Variants in CFL2 observed in about 807,000 individuals in gnomAD.
CFL2 encodes the protein cofilin-2.
CFL2 carries 10 observed loss-of-function variants against 19.6 expected under a neutral mutation model. That is an observed-to-expected ratio of 0.51 (90% CI 0.31 to 0.86). The LOEUF (loss-of-function observed/expected upper bound fraction) is 0.86, where lower values mean the gene tolerates loss of function less well. Among genes scored for constraint, CFL2 ranks in the 40% least tolerant of loss-of-function variants. The pLI is 0.04. For synonymous variants in CFL2, 63 were observed against 66.7 expected (o/e 0.95, Z 0.27); for missense variants, 125 against 192.1 (o/e 0.65, Z 2.06).
At position 34,713,643 on chromosome 14, in the gene CFL2, T is replaced by G. The variant is rs1184902204; in HGVS notation, c.4-82A>C. On this transcript the variant is annotated intron_variant, in intron 1 of 3. Transcript: ENST00000298159. ...TACTGTTTGCCTAGAGAAGACTCACTTTAGTCTGGACATCAAAAATTGCAC... is the reference window on the plus strand; with the variant it reads ...TACTGTTTGCCTAGAGAAGACTCACGTTAGTCTGGACATCAAAAATTGCAC... 22 of 1,613,726 alleles carry G rather than the reference T, an allele frequency of 1.4e-5. No homozygotes were observed. The Admixed American group carries it at 3.7e-4, about 27-fold the overall frequency.
At position 34,712,674 on chromosome 14, in the gene CFL2, C is replaced by T. The variant is rs1885344091; in HGVS notation, c.*191G>A. ...TTCCTTGGGTTCTATATAAAAGTAACAGTATTCAACAGTCTAATGGCAATC... is the reference window on the plus strand; with the variant it reads ...TTCCTTGGGTTCTATATAAAAGTAATAGTATTCAACAGTCTAATGGCAATC... On this transcript the variant is annotated 3_prime_UTR_variant, in exon 4 of 4. Transcript: ENST00000298159. 1 of 684,362 alleles carries T rather than the reference C, an allele frequency of 1.5e-6. No individual in the cohort carries two copies. The highest frequency in any genetic ancestry group is 2.7e-6 in the Non-Finnish European group (1 of 373,884). The allele number at this position is 684,362 out of a possible 1,614,324, so 42.4% of individuals were successfully genotyped here. A position where few individuals can be genotyped will look rare whatever the true frequency, so the allele number is the denominator to read the frequency against.
At chr14:34,713,841 G>C (rs956828808) in intron 1 of CFL2, 6 of 1,544,058 alleles carry the variant, frequency 3.9e-6, no homozygotes, top group Middle Eastern at 2.3e-4. Context: ...TATTTCACTG[G>C]GTGATGTCAG....
In CFL2 at chr14:34,712,894, C is replaced by T. The variant is rs1594784274; in HGVS notation, c.472G>A (p.Val158Ile). 1 of 1,600,200 alleles carries T rather than the reference C, an allele frequency of 6.2e-7. No homozygotes were observed. The highest frequency in any genetic ancestry group is 8.6e-7 in the Non-Finnish European group (1 of 1,167,298). Reference protein sequence around the residue: ...TLGEKLGGNVVVSLEGKPL With the variant: ...TLGEKLGGNVIVSLEGKPL ...AATGGTTTTCCTTCAAGTGAAACTA[C>T]TACATTGCCTCCCAATTTCTCTCCA... The change falls in exon 4 of 4, where the codon GTA (valine) becomes ATA (isoleucine). Residue 158 changes from valine (V) to isoleucine (I), a missense_variant. Transcript: ENST00000298159.
Position 34,710,678 on chromosome 14 carries a change from G to T in CFL2, c.*2187C>A. The T allele has an allele frequency of 2.2e-6, 1 of 450,700 alleles. No individual in the cohort carries two copies. Among genetic ancestry groups the T allele is most frequent in the Non-Finnish European group, 4.4e-6 (1 of 225,732 alleles). The allele number at this position is 450,700 out of a possible 1,614,324, so 27.9% of individuals were successfully genotyped here. ...TTTTTTTGGCTCTACGCACAAAGAT[G>T]TATTTCAAAGATGAACTTAATTATA... On this transcript the variant is annotated 3_prime_UTR_variant, in exon 4 of 4. Transcript: ENST00000298159.
chr14:34,712,749 A>T lies in CFL2; in HGVS notation c.*116T>A. 1 of 738,046 alleles carries T rather than the reference A, an allele frequency of 1.4e-6. No homozygotes were observed. The highest frequency in any genetic ancestry group is 2.5e-6 in the Non-Finnish European group (1 of 396,840). The allele number at this position is 738,046 out of a possible 1,614,324, so 45.7% of individuals were successfully genotyped here. ...ATATTTCCTTCATTCATTGTGTTGG[A>T]AGGGCCCAGTGGAAAGGGGGAAATA... On this transcript the variant is annotated 3_prime_UTR_variant, in exon 4 of 4. Coordinates refer to ENST00000298159, the MANE Select transcript of CFL2 (RefSeq NM_138638.5).
rs2138469497 is a variant in CFL2, at chr14:34,711,547, AG to A, written c.*1317del. Reference sequence around the variant, plus strand: ...GGTGAAATGACTGTTCCGAAACATCAGAAGTATCATTAAACTTTTAAAGGAC... The same window carrying A: ...GGTGAAATGACTGTTCCGAAACATCAAAGTATCATTAAACTTTTAAAGGAC... On this transcript the variant is annotated 3_prime_UTR_variant, in exon 4 of 4. Coordinates refer to ENST00000298159, the MANE Select transcript of CFL2 (RefSeq NM_138638.5). 1 of 454,532 alleles carries A rather than the reference AG, an allele frequency of 2.2e-6. No homozygotes were observed. The highest frequency in any genetic ancestry group is 4.4e-6 in the Non-Finnish European group (1 of 226,786). 28.2% of individuals were successfully genotyped at this position (454,532 alleles called of 1,614,324 possible).
chr14:34,714,382 A>C, intron 1 of CFL2, 156 bp downstream of exon 1: 1 of 1,224,176 alleles, frequency 8.2e-7, no homozygotes. Flanking sequence ...TGACGGCCGG[A>C]GGGCAGGCCG....
At chr14:34,713,639 T>G (rs1442539585) in intron 1 of CFL2, 78 bp from the exon 2 acceptor site, 1 of 1,613,864 alleles carries the variant, frequency 6.2e-7, no homozygotes, top group Non-Finnish European at 8.5e-7. Context: ...TAGAGAAGAC[T>G]CACTTTAGTC....
Position 34,710,857 on chromosome 14 carries a change from A to G in CFL2, c.*2008T>C, listed in dbSNP as rs186953664. The G allele has an allele frequency of 2.2e-6, 1 of 454,046 alleles. No homozygotes were observed. The highest frequency in any genetic ancestry group is 6.9e-5 in the East Asian group (1 of 14,402). The allele number at this position is 454,046 out of a possible 1,614,324, so 28.1% of individuals were successfully genotyped here. A position where few individuals can be genotyped will look rare whatever the true frequency, so the allele number is the denominator to read the frequency against. On this transcript the variant is annotated 3_prime_UTR_variant, in exon 4 of 4. Transcript: ENST00000298159. ...CTGATTTATAGTCCCTTATTTTTTA[A>G]AAGAATGAGGAAATAACTCAATGAA...
chr14:34,712,922 T>G lies in CFL2; in HGVS notation c.444A>C (p.Thr148=), dbSNP rs1885358393. Reference sequence around the variant, plus strand: ...CATTGCCTCCCAATTTCTCTCCAAGTGTCGAACGGTCCTTAATATCATCCA... The same window carrying G: ...CATTGCCTCCCAATTTCTCTCCAAGGGTCGAACGGTCCTTAATATCATCCA... ...NGLDDIKDRS[T]LGEKLGGNVV... The change falls in exon 4 of 4, where the codon ACA becomes ACC. Residue 148 remains threonine, a synonymous_variant. Transcript: ENST00000298159. 5 of 1,612,162 alleles carry G rather than the reference T, an allele frequency of 3.1e-6. No homozygotes were observed. The highest frequency in any genetic ancestry group is 1.7e-4 in the Middle Eastern group (1 of 6,056).
At chr14:34,713,026 A>G in intron 3 of CFL2, 34 bp downstream of exon 3, 2 of 1,552,642 alleles carry the variant, frequency 1.3e-6, no homozygotes, top group East Asian at 2.4e-5. Context: ...TTAATAAAGA[A>G]TAATTTCTCT....
At chr14:34,714,128 A>C (rs896337664) in intron 1 of CFL2, 1 of 375,406 alleles carries the variant, frequency 2.7e-6, no homozygotes. Flanking sequence ...CCTCTTCCTT[A>C]ATCTCCCCGT....
rs764862668 is a variant in CFL2, at chr14:34,712,619, T to C, written c.*246A>G. The C allele has an allele frequency of 9.3e-5, 58 of 626,112 alleles. No individual in the cohort carries two copies. Among genetic ancestry groups the C allele is most frequent in the Non-Finnish European group, 1.6e-4 (53 of 338,840 alleles). The allele number at this position is 626,112 out of a possible 1,614,324, so 38.8% of individuals were successfully genotyped here. A position where few individuals can be genotyped will look rare whatever the true frequency, so the allele number is the denominator to read the frequency against. On this transcript the variant is annotated 3_prime_UTR_variant, in exon 4 of 4. Transcript: ENST00000298159. ...TGCTGCAAGGGAGGCATATAACCAG[T>C]TGTTTTGGCTAAAATATGACAGGAA...
rs753321299 is a variant in CFL2 at position 34,713,514 on chromosome 14, A to G, written c.51T>C (p.Asp17=). ...VNDEVIKVFN[D]MKVRKSSTQE... ...GTGTAGAAGATTTCCTTACTTTCAT[A>G]TCATTAAAAACTTTGATGACTTCAT... is the stretch of plus-strand genomic sequence containing the variant. The change falls in exon 2 of 4, where the codon GAT becomes GAC. Residue 17 remains aspartate (D), a synonymous_variant. Transcript: ENST00000298159. The G allele has an allele frequency of 1.2e-6, 2 of 1,613,984 alleles. No homozygotes were observed. Among genetic ancestry groups the G allele is most frequent in the East Asian group, 2.2e-5 (1 of 44,876 alleles).
At position 34,710,835 on chromosome 14, in the gene CFL2, A is replaced by G. The variant is rs769661684; in HGVS notation, c.*2030T>C. 2.0e-5 allele frequency: 9 copies of G among 453,886 alleles called. No individual in the cohort carries two copies. In the East Asian group the frequency reaches 6.2e-4, roughly 31 times the overall value. 28.1% of individuals were successfully genotyped at this position (453,886 alleles called of 1,614,324 possible). On this transcript the variant is annotated 3_prime_UTR_variant, in exon 4 of 4. Coordinates refer to ENST00000298159, the MANE Select transcript of CFL2 (RefSeq NM_138638.5). ...AAAAACAAAAGATACTACATAACTGATTTATAGTCCCTTATTTTTTAAAAG... is the reference window on the plus strand; with the variant it reads ...AAAAACAAAAGATACTACATAACTGGTTTATAGTCCCTTATTTTTTAAAAG...
At chr14:34,714,064 A>G in intron 1 of CFL2, 1 of 401,354 alleles carries the variant, frequency 2.5e-6, no homozygotes, top group South Asian at 3.1e-5. Flanking sequence ...TCCAAAACTA[A>G]CTGATCGAGT....
At position 34,712,407 on chromosome 14, in the gene CFL2, C is replaced by G; in HGVS notation, c.*458G>C. On this transcript the variant is annotated 3_prime_UTR_variant, in exon 4 of 4. Transcript: ENST00000298159. ...CGTGCTGCCATATCACTAAAATAGGCTTGCCAAGGCAGGTGAGGTGTATGA... is the reference window on the plus strand; with the variant it reads ...CGTGCTGCCATATCACTAAAATAGGGTTGCCAAGGCAGGTGAGGTGTATGA... 1 of 454,988 alleles carries G rather than the reference C, an allele frequency of 2.2e-6. No individual in the cohort carries two copies. The highest frequency in any genetic ancestry group is 4.4e-6 in the Non-Finnish European group (1 of 227,122). The allele number at this position is 454,988 out of a possible 1,614,324, so 28.2% of individuals were successfully genotyped here.
chr14:34,713,449 CAGAAG>C lies in CFL2; in HGVS notation c.111_115del (p.Cys39LysfsTer3). On this transcript the variant is annotated frameshift_variant, in exon 2 of 4. Coordinates refer to ENST00000298159, the MANE Select transcript of CFL2 (RefSeq NM_138638.5). LOFTEE classifies it high-confidence loss of function. ...TATTTGTCTTTTGTCATCGCTTAAA[CAGAAG>C]AGAACTGCTTTCTTTCTCTTTTTGA... The C allele has an allele frequency of 1.2e-6, 2 of 1,614,024 alleles. No individual in the cohort carries two copies. The highest frequency in any genetic ancestry group is 1.7e-6 in the Non-Finnish European group (2 of 1,179,912).
chr14:34,713,093 T>A lies in CFL2; in HGVS notation c.355A>T (p.Ser119Cys), dbSNP rs1353965924. 1.4e-5 allele frequency: 22 copies of A among 1,585,738 alleles called. 1 individual carries two copies. The Admixed American group carries it at 3.9e-4, about 28-fold the overall frequency. ...TTCTTTTTAATGGCATCTTTAGAGC[T>A]AGCATAAATCATCTTGCTTTTTAAA... ...APLKSKMIYA[S>C]SKDAIKKKFT... Residue 119 changes from serine to cysteine, a missense_variant, in exon 3 of 4, where the codon AGC (serine) becomes TGC (cysteine). By Grantham distance (112) the Ser-to-Cys change is moderately radical. Coordinates refer to ENST00000298159, the MANE Select transcript of CFL2 (RefSeq NM_138638.5).
Sources: allele counts gnomAD v4.1 joint callset, GRCh38; gene constraint gnomAD v4.1.1; transcripts MANE v1.5; gene names NCBI Gene and HGNC (gene_info 2026-07-23, HGNC 2026-07-21).